The following UNK variants were observed in gnomAD, a reference collection of about 807,000 sequenced individuals.
The protein encoded by UNK is RING finger protein unkempt homolog.
In UNK, 32 loss-of-function variants were observed where a neutral mutation model predicts 97.6. That is an observed-to-expected ratio of 0.33 (90% confidence interval 0.25 to 0.44). The LOEUF is 0.44. Ranked by LOEUF, UNK falls within the 20% of genes least tolerant of loss-of-function variation. The pLI, the probability that UNK is intolerant of heterozygous loss-of-function variation, is 1.00. For synonymous variants in UNK, 441 were observed against 461.2 expected (o/e 0.96, Z 0.56); for missense variants, 771 against 1,098.4 (o/e 0.70, Z 4.21).
chr17:75,812,125 C>A lies in UNK; in HGVS notation c.328C>A (p.His110Asn). 1 of 1,607,252 alleles carries A rather than the reference C, an allele frequency of 6.2e-7. No individual in the cohort carries two copies. The highest frequency in any genetic ancestry group is 8.5e-7 in the Non-Finnish European group (1 of 1,175,840). ...CPEGDECPFL[H>N]RTTGDTERRY... is the part of the protein sequence containing the mutation. ...ACCGTGTTCCAGGTGCCCATTCCTGCACAGAACCACAGGGGACACTGAGCG... is the reference window on the plus strand; with the variant it reads ...ACCGTGTTCCAGGTGCCCATTCCTGAACAGAACCACAGGGGACACTGAGCG... The change falls in exon 3 of 16, where the codon CAC (histidine) becomes AAC (asparagine). Residue 110 changes from histidine (H) to asparagine (N), a missense_variant. This residue lies in a region of UNK where 246 missense variants were observed against 440.7 expected (regional missense o/e 0.56). Transcript: ENST00000589666.
chr17:75,820,223 G>T, intron 13 of UNK, 115 bp downstream of exon 13: 2 of 1,128,776 alleles, frequency 1.8e-6, no homozygotes, highest in East Asian at 5.0e-5. Flanking sequence ...TAGGGCAGAG[G>T]CCTTGGGCGA....
chr17:75,815,669 C>T (rs562964630), intron 7 of UNK, among the ~76,000 whole-genome samples: 2 of 152,296 alleles, frequency 1.3e-5, no homozygotes, highest in South Asian at 2.1e-4. Context: ...GAATATAGTG[C>T]AATCCCCATA....
chr17:75,821,309 A>G (rs1199970204), intron 13 of UNK: 1 of 449,222 alleles, frequency 2.2e-6, no homozygotes, highest in Non-Finnish European at 4.5e-6. Flanking sequence ...ATACAGGTGT[A>G]AGTGCAACAG....
chr17:75,823,947 C>T (rs1283138521), intron 15 of UNK, among the ~76,000 whole-genome samples: 1 of 152,212 alleles, frequency 6.6e-6, no homozygotes, highest in African/African-American at 2.4e-5. Context: ...TCTCGGGCAG[C>T]CAAGCCCCCG....
chr17:75,785,004 C>T lies in UNK; in HGVS notation c.104+20C>T, dbSNP rs766968667. ...CTACACGTACGTAGAGCCCCCCCCC[C>T]CCCGCCGCGCGCGCACGCCTGACGT... On this transcript the variant is annotated intron_variant, in intron 1 of 15. Coordinates refer to ENST00000589666, the MANE Select transcript of UNK (RefSeq NM_001080419.3). 95 of 1,401,326 alleles carry T rather than the reference C, an allele frequency of 6.8e-5. No individual in the cohort carries two copies. The highest frequency in any genetic ancestry group is 7.8e-5 in the Non-Finnish European group (84 of 1,073,170). 86.8% of individuals were successfully genotyped at this position (1,401,326 alleles called of 1,614,324 possible).
intron 1 of UNK, chr17:75,785,376 C>T (rs955531889): frequency 3.5e-5 from 6 of 172,920 alleles, no homozygotes; most frequent in South Asian, 1.4e-4. Flanking sequence ...CAGAACCCAC[C>T]TATGAATGAT....
At chr17:75,793,711 G>T in intron 1 of UNK, 1 of 985,262 alleles carries the variant, frequency 1.0e-6, no homozygotes, top group Non-Finnish European at 1.2e-6. Flanking sequence ...TGACTCATTT[G>T]TTTCCTGTTA....
chr17:75,823,731 G>A (rs1243109008), intron 15 of UNK, among the ~76,000 whole-genome samples: 1 of 152,128 alleles, frequency 6.6e-6, no homozygotes, highest in Admixed American at 6.5e-5. Context: ...AGGGGTGTCG[G>A]TGCCACCCCC....
At position 75,813,821 on chromosome 17, in the gene UNK, G is replaced by C; in HGVS notation, c.819G>C (p.Glu273Asp). ...AGTGGGGAGACCCTGGCAAGTGTGAGAACGGAGACGCCTGCCAGTACTGCC... is the reference window on the plus strand; with the variant it reads ...AGTGGGGAGACCCTGGCAAGTGTGACAACGGAGACGCCTGCCAGTACTGCC... ...GDEWGDPGKC[E>D]NGDACQYCHT... Residue 273 changes from glutamate (E) to aspartate (D), a missense_variant, in exon 6 of 16, where the codon GAG becomes GAC. Coordinates refer to ENST00000589666, the MANE Select transcript of UNK (RefSeq NM_001080419.3). The C allele has an allele frequency of 6.3e-7, 1 of 1,598,004 alleles. No homozygotes were observed.
At chr17:75,789,680 TAATG>T (rs1166833763) in intron 1 of UNK, among the ~76,000 whole-genome samples, 2 of 152,188 alleles carry the variant, frequency 1.3e-5, no homozygotes, top group Non-Finnish European at 2.9e-5. Context: ...ATTTGACAAA[TAATG>T]AATTTAATTC....
intron 1 of UNK, among the ~76,000 whole-genome samples, chr17:75,800,727 ACT>A (rs2061849161): frequency 6.6e-6 from 1 of 151,148 alleles, no homozygotes; most frequent in African/African-American, 2.4e-5. Context: ...ACAGAGCGAG[ACT>A]CTGTCTCAAA....
chr17:75,812,544 C>G lies in UNK; in HGVS notation c.581C>G (p.Ala194Gly), dbSNP rs752242003. 1 of 1,613,164 alleles carries G rather than the reference C, an allele frequency of 6.2e-7. No individual in the cohort carries two copies. The highest frequency in any genetic ancestry group is 1.1e-5 in the South Asian group (1 of 91,036). The change falls in exon 4 of 16, where the codon GCC (alanine) becomes GGC (glycine). Residue 194 changes from alanine (A) to glycine (G), a missense_variant. Physicochemically the swap from Ala to Gly is moderately conservative, Grantham distance 60 (BLOSUM62 0). This residue lies in a region of UNK where 246 missense variants were observed against 440.7 expected (regional missense o/e 0.56). Coordinates refer to ENST00000589666, the MANE Select transcript of UNK (RefSeq NM_001080419.3). ...CAGTCGGCTGGGGCTGCGAGCCATGCCATGATAGAAAAGATCCTCAGCGAG... is the reference window on the plus strand; with the variant it reads ...CAGTCGGCTGGGGCTGCGAGCCATGGCATGATAGAAAAGATCCTCAGCGAG... ...EGQSAGAASH[A>G]MIEKILSEEP...
chr17:75,815,531 T>G (rs1322571424), intron 7 of UNK, among the ~76,000 whole-genome samples: 1 of 152,140 alleles, frequency 6.6e-6, no homozygotes, highest in Non-Finnish European at 1.5e-5. Flanking sequence ...GCACTGTGCC[T>G]CCCATGGCTG....
At position 75,822,337 on chromosome 17, in the gene UNK, A is replaced by G. The variant is rs145657906; in HGVS notation, c.1838-140A>G. ...CCTTCACAGCCTTCCTGTCCCTGCA[A>G]AATTCTCTGGCCTGACACTAGCTGG... On this transcript the variant is annotated intron_variant, in intron 13 of 15. Transcript: ENST00000589666. 572 of 1,088,096 alleles carry G rather than the reference A, an allele frequency of 5.3e-4. 2 individuals are homozygous for G. The African/African-American group carries it at 6.5e-3, about 12-fold the overall frequency. 67.4% of individuals were successfully genotyped at this position (1,088,096 alleles called of 1,614,324 possible).
chr17:75,812,713 C>G, intron 4 of UNK, 128 bp downstream of exon 4: 1 of 1,372,600 alleles, frequency 7.3e-7, no homozygotes, highest in Non-Finnish European at 9.6e-7. Flanking sequence ...TCCCACCCTA[C>G]ACCCACCATT....
At chr17:75,806,113 A>G (rs994049374) in intron 1 of UNK, among the ~76,000 whole-genome samples, 12 of 151,758 alleles carry the variant, frequency 7.9e-5, no homozygotes, top group African/African-American at 2.9e-4. Flanking sequence ...AAAAAAAAAA[A>G]AAAAAAGAAA....
intron 1 of UNK, among the ~76,000 whole-genome samples, chr17:75,806,089 C>T (rs1267489520): frequency 2.8e-5 from 4 of 141,482 alleles, no homozygotes; most frequent in African/African-American, 8.1e-5. Flanking sequence ...GGCAAAAAAG[C>T]GAGACTCCGT....
In UNK at chr17:75,784,926, C is replaced by T. The variant is rs752583410; in HGVS notation, c.46C>T (p.Pro16Ser). Residue 16 changes from proline (P) to serine (S), a missense_variant, in exon 1 of 16, where the codon CCC becomes TCC. By Grantham distance (74) the Pro-to-Ser change is moderately conservative. Coordinates refer to ENST00000589666, the MANE Select transcript of UNK (RefSeq NM_001080419.3). ...CGGCGGCTCCGCAGCTTCCTCGGCG[C>T]CCCCGGCCGCTACCGCTCAGGTGCT... ...GPGGSAASSA[P>S]PAATAQVLQA... is the part of the protein sequence containing the mutation. 1.0e-5 allele frequency: 16 copies of T among 1,557,592 alleles called. No homozygotes were observed. The highest frequency in any genetic ancestry group is 2.1e-5 in the Admixed American group (1 of 48,316).
At position 75,819,163 on chromosome 17, in the gene UNK, A is replaced by G; in HGVS notation, c.1546+347A>G. Reference sequence around the variant, plus strand: ...CGTTCTCAGAATCCCTGGTGCTAGAAGTTGGTGCTCCTTTCTTTCAGTACT... The same window carrying G: ...CGTTCTCAGAATCCCTGGTGCTAGAGGTTGGTGCTCCTTTCTTTCAGTACT... On this transcript the variant is annotated intron_variant, in intron 11 of 15. Transcript: ENST00000589666. This position sits in a 1 kb window ranked among gnomAD's most constrained non-coding sequence, Gnocchi z 5.4. 3.8e-6 allele frequency: 1 copy of G among 261,072 alleles called. No individual in the cohort carries two copies. Among genetic ancestry groups the G allele is most frequent in the South Asian group, 9.0e-5 (1 of 11,102 alleles). 16.2% of individuals were successfully genotyped at this position (261,072 alleles called of 1,614,324 possible).
Sources: gnomAD v4.1 joint callset for allele counts (sites outside exome capture counted in the v4.1 genomes callset) on GRCh38, gnomAD v4.1.1 for gene constraint, gnomAD v4.1.1 regional missense constraint, Gnocchi (gnomAD v3.1) non-coding constraint, MANE v1.5 for transcripts, NCBI Gene and HGNC (gene_info 2026-07-23, HGNC 2026-07-21) for gene names.